SUGCT: variants seen among roughly 807,000 people sequenced by gnomAD.
SUGCT encodes the protein succinyl-CoA:glutarate-CoA transferase.
A neutral mutation model predicts 55.0 loss-of-function variants in SUGCT; 41 were observed. That is an observed-to-expected ratio of 0.74 (90% CI 0.58 to 0.97). SUGCT has a LOEUF of 0.97. Among genes scored for constraint, SUGCT ranks in the 50% least tolerant of loss-of-function variants. SUGCT has a pLI of 0.00. For synonymous variants in SUGCT, 187 were observed against 200.4 expected (o/e 0.93, Z 0.56); for missense variants, 568 against 547.8 (o/e 1.04, Z -0.37).
intron 13 of SUGCT, among the ~76,000 whole-genome samples, chr7:40,832,561 TG>T (rs371735361): frequency 3.5e-4 from 50 of 141,832 alleles, no homozygotes; most frequent in South Asian, 1.2e-3. Flanking sequence ...GGGTTTTTTT[TG>T]TTTTTTTTTT....
At chr7:40,402,078 GT>G (rs2151323475) in intron 9 of SUGCT, among the ~76,000 whole-genome samples, 1 of 151,654 alleles carries the variant, frequency 6.6e-6, no homozygotes, top group East Asian at 1.9e-4. Flanking sequence ...TATGTGCCAG[GT>G]ACTATTCTAA....
the SUGCT span, among the ~76,000 whole-genome samples, chr7:40,925,486 C>CT: frequency 6.6e-6 from 1 of 152,202 alleles, no homozygotes; most frequent in African/African-American, 2.4e-5. Flanking sequence ...CCTTGGCATT[C>CT]TTTCAGCTTT....
intron 13 of SUGCT, chr7:40,782,489 T>A (rs1789804659): frequency 6.6e-6 from 1 of 152,188 alleles, no homozygotes; most frequent in African/African-American, 2.4e-5. Context: ...ACACTTGGGC[T>A]TTGTAAGTTT....
intron 9 of SUGCT, among the ~76,000 whole-genome samples, chr7:40,343,539 A>T (rs1797157456): frequency 1.0e-5 from 1 of 100,330 alleles, no homozygotes; most frequent in African/African-American, 4.2e-5. Flanking sequence ...AAACTCCACC[A>T]AGAACAGAAT....
Position 40,389,706 on chromosome 7 carries a change from A to G in SUGCT, c.817-59581A>G, listed in dbSNP as rs375025776. Among the ~76,000 whole-genome samples, 31 of 152,290 alleles carry G rather than the reference A, an allele frequency of 2.0e-4. 3 individuals are homozygous for G. The highest frequency in any genetic ancestry group is 1.2e-3 in the Admixed American group (19 of 15,294). ...AAGTTATATGATTTTCCCAATTAAGAGAGTCGATATAAATAGTGGCAAAGT... is the reference window on the plus strand; with the variant it reads ...AAGTTATATGATTTTCCCAATTAAGGGAGTCGATATAAATAGTGGCAAAGT... On this transcript the variant is annotated intron_variant, in intron 9 of 13. Transcript: ENST00000335693.
chr7:40,369,445 C>T (rs763896920), intron 9 of SUGCT, among the ~76,000 whole-genome samples: 9 of 152,024 alleles, frequency 5.9e-5, no homozygotes, highest in Non-Finnish European at 1.0e-4. Flanking sequence ...ATATTCTATT[C>T]TGCTTCTGAC....
chr7:40,487,065 A>G (rs1196012547), intron 11 of SUGCT, among the ~76,000 whole-genome samples: 4 of 145,472 alleles, frequency 2.7e-5, no homozygotes, highest in Non-Finnish European at 6.0e-5. Context: ...AAGATAGTTC[A>G]TATGATTTCA....
chr7:40,990,519 G>A, the SUGCT span, among the ~76,000 whole-genome samples: 1 of 152,150 alleles, frequency 6.6e-6, no homozygotes, highest in Non-Finnish European at 1.5e-5. Flanking sequence ...TGGTAAATGA[G>A]CATTGGCTTC....
intron 9 of SUGCT, among the ~76,000 whole-genome samples, chr7:40,426,618 A>T (rs1583652645): frequency 6.6e-6 from 1 of 152,162 alleles, no homozygotes; most frequent in Non-Finnish European, 1.5e-5. Flanking sequence ...GTTTCCATAG[A>T]TGGAAGACAG....
At chr7:40,492,356 TCAGAGGCAAA>T (rs1348575997) in intron 11 of SUGCT, among the ~76,000 whole-genome samples, 1 of 152,144 alleles carries the variant, frequency 6.6e-6, no homozygotes, top group Non-Finnish European at 1.5e-5. Flanking sequence ...TTTGGATGCA[TCAGAGGCAAA>T]GCGTATGTTG....
At chr7:40,622,343 G>A (rs1799299748) in intron 12 of SUGCT, among the ~76,000 whole-genome samples, 1 of 152,088 alleles carries the variant, frequency 6.6e-6, no homozygotes, top group Non-Finnish European at 1.5e-5. Context: ...ATAAATTTGT[G>A]AGTATGGGTT....
chr7:40,850,011 A>G (rs1038968954), intron 13 of SUGCT, among the ~76,000 whole-genome samples: 2 of 152,110 alleles, frequency 1.3e-5, no homozygotes, highest in Admixed American at 6.5e-5. Context: ...TGAAAACAGG[A>G]GGTAATAACA....
At chr7:40,500,780 A>T (rs984126011) in intron 12 of SUGCT, among the ~76,000 whole-genome samples, 1 of 152,078 alleles carries the variant, frequency 6.6e-6, no homozygotes, top group East Asian at 1.9e-4. Flanking sequence ...CTTATTTTTT[A>T]AAAAAGGCCA....
At chr7:40,264,686 G>A (rs1458460770) in intron 7 of SUGCT, among the ~76,000 whole-genome samples, 1 of 152,152 alleles carries the variant, frequency 6.6e-6, no homozygotes, top group African/African-American at 2.4e-5. Flanking sequence ...TTCATATTAA[G>A]AAACTTAATT....
intron 9 of SUGCT, among the ~76,000 whole-genome samples, chr7:40,378,035 G>T (rs1784689637): frequency 6.6e-6 from 1 of 152,044 alleles, no homozygotes; most frequent in Admixed American, 6.5e-5. Context: ...TTTGCCTTTG[G>T]CTTTTGATTG....
chr7:40,558,989 G>A (rs1422260528), intron 12 of SUGCT, among the ~76,000 whole-genome samples: 1 of 152,114 alleles, frequency 6.6e-6, no homozygotes, highest in Admixed American at 6.6e-5. Context: ...AAAAAATGCT[G>A]TATGTAAATA....
intron 11 of SUGCT, among the ~76,000 whole-genome samples, chr7:40,471,270 C>G (rs183446005): frequency 4.3e-4 from 65 of 151,978 alleles, no homozygotes; most frequent in Non-Finnish European, 8.8e-4. Flanking sequence ...TGAATGCACA[C>G]TAACAAGCAC....
At chr7:40,692,991 T>C (rs911600039) in intron 12 of SUGCT, among the ~76,000 whole-genome samples, 18 of 152,208 alleles carry the variant, frequency 1.2e-4, no homozygotes, top group Admixed American at 6.5e-4. Context: ...TGAAATCATA[T>C]TACTTCATCT....
At chr7:40,563,691 G>A (rs1042226110) in intron 12 of SUGCT, among the ~76,000 whole-genome samples, 5 of 151,572 alleles carry the variant, frequency 3.3e-5, no homozygotes, top group Non-Finnish European at 5.9e-5. Flanking sequence ...TCCAGTCTGG[G>A]CAACAGAGCA....
Sources: allele counts gnomAD v4.1 joint callset (sites outside exome capture counted in the v4.1 genomes callset), GRCh38; gene constraint gnomAD v4.1.1; transcripts MANE v1.5; gene names NCBI Gene and HGNC (gene_info 2026-07-23, HGNC 2026-07-21).